The following CACNA2D1 variants were observed in gnomAD, a reference collection of about 807,000 sequenced individuals.
The protein encoded by CACNA2D1 is calcium voltage-gated channel auxiliary subunit alpha2delta 1.
CACNA2D1 carries 53 observed loss-of-function variants against 171.5 expected under a neutral mutation model. The ratio of observed to expected loss-of-function variants is 0.31; its 90% CI spans 0.25 to 0.39. The LOEUF is 0.39. Among genes scored for constraint, CACNA2D1 ranks in the 10% least tolerant of loss-of-function variants. The pLI is 1.00. For missense variants in CACNA2D1, 903 were observed against 1,299.8 expected (o/e 0.69, Z 4.69); for synonymous variants, 442 against 443.1 (o/e 1.00, Z 0.03).
chr7:82,180,791 G>C (rs1797040527), intron 3 of CACNA2D1, among the ~76,000 whole-genome samples: 1 of 152,004 alleles, frequency 6.6e-6, no homozygotes, highest in South Asian at 2.1e-4. Flanking sequence ...GGGAAGTCTT[G>C]AGGTGACAGG....
At chr7:81,973,519 C>G (rs562821249) in intron 25 of CACNA2D1, among the ~76,000 whole-genome samples, 2 of 151,746 alleles carry the variant, frequency 1.3e-5, no homozygotes, top group Non-Finnish European at 2.9e-5. Context: ...GTGCTTTGAC[C>G]CTTCCTAATA....
At chr7:82,259,348 T>C (rs1231962840) in intron 3 of CACNA2D1, among the ~76,000 whole-genome samples, 1 of 152,198 alleles carries the variant, frequency 6.6e-6, no homozygotes, top group Non-Finnish European at 1.5e-5. Flanking sequence ...AGGGTTAAAA[T>C]GTAAAATTTA....
chr7:82,060,438 T>G lies in CACNA2D1; in HGVS notation c.869A>C (p.Asn290Thr). 6.2e-7 allele frequency: 1 copy of G among 1,605,042 alleles called. No individual in the cohort carries two copies. Among genetic ancestry groups the G allele is most frequent in the Non-Finnish European group, 8.5e-7 (1 of 1,174,474 alleles). ...LETLSDDDFVNVASFNSNAQD... is the reference protein window; with the variant it reads ...LETLSDDDFVTVASFNSNAQD... ...TCATCTTATACTTACTGAAGCTACA[T>G]TCACGAAATCATCATCTGAGAGGGT... The change falls in exon 10 of 39, where the codon AAT (asparagine) becomes ACT (threonine). Residue 290 changes from asparagine (N) to threonine (T), a missense_variant. Around this residue, in one of 5 missense-constraint regions of CACNA2D1, gnomAD observed 623 missense variants for 925.5 expected, o/e 0.67. Transcript: ENST00000356860.
intron 3 of CACNA2D1, among the ~76,000 whole-genome samples, chr7:82,240,467 C>G (rs1423300127): frequency 6.6e-6 from 1 of 152,110 alleles, no homozygotes; most frequent in South Asian, 2.1e-4. Flanking sequence ...TATTAGCCTC[C>G]TTTCATAAGG....
chr7:82,193,076 T>C (rs1377602200), intron 3 of CACNA2D1, among the ~76,000 whole-genome samples: 1 of 151,980 alleles, frequency 6.6e-6, no homozygotes, highest in Non-Finnish European at 1.5e-5. Flanking sequence ...TGGTAAGTGA[T>C]GTGCTGTTCT....
chr7:82,413,329 C>T (rs998779801), intron 1 of CACNA2D1, among the ~76,000 whole-genome samples: 2 of 152,134 alleles, frequency 1.3e-5, no homozygotes. Flanking sequence ...TCTACTCATG[C>T]CCTGGTTTCT....
intron 10 of CACNA2D1, among the ~76,000 whole-genome samples, chr7:82,056,950 C>CA: frequency 6.6e-6 from 1 of 151,766 alleles, no homozygotes; most frequent in Non-Finnish European, 1.5e-5. Context: ...CTCACAGGGT[C>CA]TACCATATGT....
chr7:82,096,422 T>C (rs1460501481), intron 6 of CACNA2D1, among the ~76,000 whole-genome samples: 2 of 151,996 alleles, frequency 1.3e-5, no homozygotes, highest in South Asian at 2.1e-4. Context: ...ACATCATGAG[T>C]GCTCTTTAAA....
At chr7:81,978,753 G>GTGCGTGTGTATATATA (rs145105210) in intron 24 of CACNA2D1, among the ~76,000 whole-genome samples, 3 of 139,474 alleles carry the variant, frequency 2.2e-5, no homozygotes, top group Non-Finnish European at 3.1e-5. Context: ...TTTAAAAAGT[G>GTGCGTGTGTATATATA]TATATATATA....
At chr7:82,406,290 CA>C (rs1468192294) in intron 1 of CACNA2D1, among the ~76,000 whole-genome samples, 1 of 152,198 alleles carries the variant, frequency 6.6e-6, no homozygotes, top group Non-Finnish European at 1.5e-5. Flanking sequence ...TCCAGTCTAT[CA>C]CTGATGGACA....
intron 3 of CACNA2D1, among the ~76,000 whole-genome samples, chr7:82,229,361 T>C (rs138283370): frequency 1.2e-4 from 19 of 152,268 alleles, no homozygotes; most frequent in Middle Eastern, 3.4e-3. Flanking sequence ...AGACTGAAGA[T>C]AGAATGCACA....
intron 1 of CACNA2D1, among the ~76,000 whole-genome samples, chr7:82,419,320 T>G (rs1250944222): frequency 6.6e-6 from 1 of 152,160 alleles, no homozygotes; most frequent in Non-Finnish European, 1.5e-5. Flanking sequence ...CAAGAGTGTG[T>G]GTCCATGTTA....
chr7:82,434,094 T>C (rs1417193341), intron 1 of CACNA2D1, among the ~76,000 whole-genome samples: 1 of 152,132 alleles, frequency 6.6e-6, no homozygotes, highest in African/African-American at 2.4e-5. Flanking sequence ...ATAATGCCAA[T>C]TTATAGAGAA....
At chr7:81,955,673 C>T (rs1793157847) in intron 38 of CACNA2D1, among the ~76,000 whole-genome samples, 2 of 151,670 alleles carry the variant, frequency 1.3e-5, no homozygotes, top group Admixed American at 6.6e-5. Context: ...ACCATGAGGA[C>T]TTCATCAAAA....
intron 3 of CACNA2D1, among the ~76,000 whole-genome samples, chr7:82,173,936 AG>A (rs2129155058): frequency 6.7e-6 from 1 of 148,704 alleles, no homozygotes; most frequent in Non-Finnish European, 1.5e-5. Context: ...CCAGCTACTC[AG>A]GGGGCTGAGG....
intron 5 of CACNA2D1, among the ~76,000 whole-genome samples, chr7:82,122,640 A>G (rs1789871972): frequency 6.6e-6 from 1 of 152,206 alleles, no homozygotes; most frequent in African/African-American, 2.4e-5. Context: ...TCTACACATT[A>G]TATCTAAATA....
chr7:82,435,030 CTT>C (rs764179836), intron 1 of CACNA2D1, among the ~76,000 whole-genome samples: 5 of 84,356 alleles, frequency 5.9e-5, no homozygotes, highest in African/African-American at 1.4e-4. Flanking sequence ...TCTTCAGATA[CTT>C]TTTTTTTTTT....
At chr7:81,982,435 TTAAAG>T (rs1796537446) in intron 24 of CACNA2D1, 127 bp downstream of exon 24, 2 of 681,524 alleles carry the variant, frequency 2.9e-6, no homozygotes. Flanking sequence ...TGTTTCAGTT[TTAAAG>T]TAATTATTTC....
chr7:82,220,639 G>C (rs1801641175), intron 3 of CACNA2D1, among the ~76,000 whole-genome samples: 2 of 152,044 alleles, frequency 1.3e-5, no homozygotes, highest in East Asian at 3.8e-4. Context: ...AATAACTGGA[G>C]TTTTAAAATA....
Sources: gnomAD v4.1 joint callset for allele counts (sites outside exome capture counted in the v4.1 genomes callset) on GRCh38, gnomAD v4.1.1 for gene constraint, gnomAD v4.1.1 regional missense constraint, MANE v1.5 for transcripts, NCBI Gene and HGNC (gene_info 2026-07-23, HGNC 2026-07-21) for gene names.